The following THOP1 variants were observed in gnomAD, a reference collection of about 807,000 sequenced individuals.
The protein encoded by THOP1 is thimet oligopeptidase 1.
In THOP1, 49 loss-of-function variants were observed where a neutral mutation model predicts 71.8. The observed-to-expected ratio is 0.68, with a 90% CI of 0.54 to 0.87. The LOEUF is 0.87. Ranked by LOEUF, THOP1 falls within the 40% of genes least tolerant of loss-of-function variation. The pLI is 0.00. For missense variants in THOP1, 843 were observed against 975.6 expected (o/e 0.86, Z 1.81); for synonymous variants, 426 against 421.5 (o/e 1.01, Z -0.13).
At chr19:2,797,558 C>T (rs1313081394) in intron 4 of THOP1, among the ~76,000 whole-genome samples, 2 of 152,262 alleles carry the variant, frequency 1.3e-5, no homozygotes, top group African/African-American at 4.8e-5. Context: ...AGATACCCAA[C>T]ACCTCATATC....
In THOP1 at chr19:2,790,565, A is replaced by G. The variant is rs1268762297; in HGVS notation, c.161A>G (p.Gln54Arg). The G allele has an allele frequency of 1.2e-6, 2 of 1,606,462 alleles. No homozygotes were observed. The highest frequency in any genetic ancestry group is 2.2e-5 in the South Asian group (2 of 90,106). ...TKRVYDQVGT[Q>R]EFEDVSYEST... is the part of the protein sequence containing the mutation. ...CGCGTGTATGACCAGGTTGGCACCC[A>G]GGAGTTTGAGGACGTGTCCTACGAG... Residue 54 changes from glutamine (Q) to arginine (R), a missense_variant, in exon 2 of 13, where the codon CAG becomes CGG. Gln to Arg is a conservative substitution (Grantham distance 43). Coordinates refer to ENST00000307741, the MANE Select transcript of THOP1 (RefSeq NM_003249.5).
At chr19:2,790,079 T>A (rs781433295) in intron 1 of THOP1, among the ~76,000 whole-genome samples, 1 of 152,258 alleles carries the variant, frequency 6.6e-6, no homozygotes, top group East Asian at 1.9e-4. Flanking sequence ...AACAGCAGTA[T>A]CATCTCTATT....
chr19:2,790,231 G>T (rs947595065), intron 1 of THOP1, among the ~76,000 whole-genome samples, 190 bp from the exon 2 acceptor site: 11 of 152,188 alleles, frequency 7.2e-5, no homozygotes, highest in African/African-American at 2.7e-4. Flanking sequence ...GGGTTCCCTG[G>T]ATGGGATTGA....
At chr19:2,796,261 C>A in intron 4 of THOP1, 73 bp downstream of exon 4, 1 of 1,260,360 alleles carries the variant, frequency 7.9e-7, no homozygotes, top group Non-Finnish European at 1.1e-6. Context: ...ACAGGGAGTG[C>A]TCAGTCCCAG....
chr19:2,807,507 C>A lies in THOP1; in HGVS notation c.952C>A (p.Arg318Ser), dbSNP rs753670566. The A allele has an allele frequency of 1.2e-6, 2 of 1,611,456 alleles. No homozygotes were observed. Among genetic ancestry groups the A allele is most frequent in the South Asian group, 1.1e-5 (1 of 91,012 alleles). Residue 318 changes from arginine (R) to serine (S), a missense_variant, in exon 8 of 13, where the codon CGT (arginine) becomes AGT (serine). Transcript: ENST00000307741. Reference sequence around the variant, plus strand: ...GCGTGCGGTGATTCTGGAGCTGAAGCGTGCGGAGTGCGAGCGCCGGGGCCT... The same window carrying A: ...GCGTGCGGTGATTCTGGAGCTGAAGAGTGCGGAGTGCGAGCGCCGGGGCCT... The part of the protein sequence containing the change: ...QERAVILELK[R>S]AECERRGLPF...
At chr19:2,787,277 C>G (rs1177039518) in intron 1 of THOP1, among the ~76,000 whole-genome samples, 3 of 152,176 alleles carry the variant, frequency 2.0e-5, no homozygotes, top group African/African-American at 7.2e-5. Flanking sequence ...AGCCACACTC[C>G]CCCAGCTCTT....
Position 2,801,128 on chromosome 19 carries a change from A to G in THOP1, c.589+1337A>G, listed in dbSNP as rs1215535073. 6.6e-6 allele frequency among the ~76,000 whole-genome samples: 1 copy of G among 152,088 alleles called. No individual in the cohort carries two copies. Among genetic ancestry groups the G allele is most frequent in the Non-Finnish European group, 1.5e-5 (1 of 68,020 alleles). ...GATTAGCAGGTGATTGTTGGAAGGA[A>G]AGGGGAGGTCTGGAAGGTCCTTGGG... On this transcript the variant is annotated intron_variant, in intron 5 of 12. Transcript: ENST00000307741. This position sits in a 1 kb window ranked among gnomAD's most constrained non-coding sequence, Gnocchi z 5.1.
At chr19:2,812,036 C>G in intron 12 of THOP1, 1 of 1,073,612 alleles carries the variant, frequency 9.3e-7, no homozygotes, top group Non-Finnish European at 1.3e-6. Context: ...GGAAGCTCCA[C>G]ACTGGCCCCT....
At chr19:2,789,390 C>T (rs566760456) in intron 1 of THOP1, among the ~76,000 whole-genome samples, 6 of 152,348 alleles carry the variant, frequency 3.9e-5, no homozygotes, top group African/African-American at 1.2e-4. Flanking sequence ...CAGGAGCCCC[C>T]GCCTGCCATT....
At chr19:2,812,864 C>T (rs1305621665) in intron 12 of THOP1, among the ~76,000 whole-genome samples, 2 of 152,174 alleles carry the variant, frequency 1.3e-5, no homozygotes, top group Non-Finnish European at 2.9e-5. Context: ...GGGCTGATGG[C>T]GGGAGCCACC....
At chr19:2,799,299 T>C (rs1019804383) in intron 4 of THOP1, among the ~76,000 whole-genome samples, 7 of 152,192 alleles carry the variant, frequency 4.6e-5, no homozygotes, top group Admixed American at 2.6e-4. Context: ...CATTCCAGCC[T>C]GGGCAACAGA....
Position 2,811,580 on chromosome 19 carries a change from G to A in THOP1, c.1772-18G>A. ...GGGTGGGGGCTACAGCGTGAACCCT[G>A]CCATGTGTCCGCCCCAGGAACCAAC... is the stretch of plus-strand genomic sequence containing the variant. On this transcript the variant is annotated intron_variant, in intron 11 of 12. Coordinates refer to ENST00000307741, the MANE Select transcript of THOP1 (RefSeq NM_003249.5). The A allele has an allele frequency of 6.2e-7, 1 of 1,609,672 alleles. No individual in the cohort carries two copies. Among genetic ancestry groups the A allele is most frequent in the Non-Finnish European group, 8.5e-7 (1 of 1,177,834 alleles).
In THOP1 at chr19:2,805,121, A is replaced by G. The variant is rs1916259154; in HGVS notation, c.695A>G (p.His232Arg). ...TACTTCCCCCTCCTGAAGAAATGCC[A>G]CGTGCCTGAGACCAGGAGGAAAGTG... Reference protein sequence around the residue: ...PHYFPLLKKCHVPETRRKVEE... With the variant: ...PHYFPLLKKCRVPETRRKVEE... The change falls in exon 6 of 13, where the codon CAC becomes CGC. Residue 232 changes from histidine (H) to arginine (R), a missense_variant. Coordinates refer to ENST00000307741, the MANE Select transcript of THOP1 (RefSeq NM_003249.5). This position sits in a 1 kb window ranked among gnomAD's most constrained non-coding sequence, Gnocchi z 6.6. 2 of 1,612,828 alleles carry G rather than the reference A, an allele frequency of 1.2e-6. No homozygotes were observed. The highest frequency in any genetic ancestry group is 4.5e-5 in the East Asian group (2 of 44,866).
intron 11 of THOP1, 123 bp from the exon 12 acceptor site, chr19:2,811,475 C>T (rs974547163): frequency 1.3e-4 from 176 of 1,361,312 alleles, no homozygotes; most frequent in Non-Finnish European, 1.7e-4. Context: ...CGGCCCTCAC[C>T]GTGATCCTCC....
Position 2,785,581 on chromosome 19 carries a change from G to A in THOP1, c.-82G>A, listed in dbSNP as rs1599515102. 3 of 1,450,212 alleles carry A rather than the reference G, an allele frequency of 2.1e-6. No homozygotes were observed. In the East Asian group the frequency reaches 8.8e-5, roughly 42 times the overall value. The allele number at this position is 1,450,212 out of a possible 1,614,324, so 89.8% of individuals were successfully genotyped here. A position where few individuals can be genotyped will look rare whatever the true frequency, so the allele number is the denominator to read the frequency against. On this transcript the variant is annotated 5_prime_UTR_variant, in exon 1 of 13. Coordinates refer to ENST00000307741, the MANE Select transcript of THOP1 (RefSeq NM_003249.5). ...CGGCGGTGGCGGCGGTTGGGCCGAG[G>A]CAGGCGGCCTCAGTGGCCGAGGTGG...
At chr19:2,797,588 C>T (rs934609663) in intron 4 of THOP1, among the ~76,000 whole-genome samples, 2 of 152,244 alleles carry the variant, frequency 1.3e-5, no homozygotes, top group Admixed American at 6.5e-5. Context: ...TTGCCTTCGG[C>T]GATCTCACCA....
intron 5 of THOP1, among the ~76,000 whole-genome samples, chr19:2,800,776 G>A (rs189163299): frequency 1.3e-5 from 2 of 152,154 alleles, no homozygotes; most frequent in Non-Finnish European, 2.9e-5. Flanking sequence ...CGTAAAGCAC[G>A]TTTCCCAGCC....
At chr19:2,785,773 C>T in intron 1 of THOP1, 95 bp downstream of exon 1, 1 of 1,201,310 alleles carries the variant, frequency 8.3e-7, no homozygotes, top group Non-Finnish European at 1.1e-6. Context: ...CGAAGCGACC[C>T]CCGAGCCACC....
chr19:2,793,478 T>G (rs569248834), intron 2 of THOP1, among the ~76,000 whole-genome samples: 1 of 151,842 alleles, frequency 6.6e-6, no homozygotes, highest in Non-Finnish European at 1.5e-5. Flanking sequence ...GATCATGAGG[T>G]CAGGAGTTCA....
Sources: gnomAD v4.1 joint callset for allele counts (sites outside exome capture counted in the v4.1 genomes callset) on GRCh38, gnomAD v4.1.1 for gene constraint, Gnocchi (gnomAD v3.1) non-coding constraint, MANE v1.5 for transcripts, NCBI Gene and HGNC (gene_info 2026-07-23, HGNC 2026-07-21) for gene names.